Variants in NKAIN3 observed in about 807,000 individuals in gnomAD.
NKAIN3 encodes sodium/potassium-transporting ATPase subunit beta-1-interacting protein 3.
NKAIN3 carries 25 observed loss-of-function variants against 30.2 expected under a neutral mutation model. The ratio of observed to expected loss-of-function variants is 0.83; its 90% CI spans 0.60 to 1.16. The LOEUF is 1.16. NKAIN3 is among the 50% of genes most tolerant of loss of function. The pLI is 0.00. For synonymous variants in NKAIN3, 91 were observed against 89.6 expected (o/e 1.02, Z -0.09); for missense variants, 225 against 254.1 (o/e 0.89, Z 0.78).
At chr8:62,345,516 C>CAT (rs1554669331) in intron 1 of NKAIN3, among the ~76,000 whole-genome samples, 1 of 117,462 alleles carries the variant, frequency 8.5e-6, no homozygotes, top group Admixed American at 8.4e-5. Flanking sequence ...CATATATACA[C>CAT]ATATATGTAT....
At chr8:62,996,194 A>G (rs1478318907) in intron 5 of NKAIN3, among the ~76,000 whole-genome samples, 1 of 152,220 alleles carries the variant, frequency 6.6e-6, no homozygotes, top group Non-Finnish European at 1.5e-5. Flanking sequence ...ATAGTTCTGC[A>G]TGACTGGGGA....
At chr8:62,828,315 T>G (rs1819087962) in intron 4 of NKAIN3, among the ~76,000 whole-genome samples, 1 of 152,090 alleles carries the variant, frequency 6.6e-6, no homozygotes, top group Non-Finnish European at 1.5e-5. Context: ...AAAACTGTCT[T>G]GAGCCTAGTT....
intron 3 of NKAIN3, among the ~76,000 whole-genome samples, chr8:62,717,712 A>G (rs1044190760): frequency 2.0e-5 from 3 of 152,218 alleles, no homozygotes; most frequent in Admixed American, 6.5e-5. Context: ...AAACCTTATG[A>G]ATAGATTTTT....
intron 3 of NKAIN3, among the ~76,000 whole-genome samples, chr8:62,732,060 C>T (rs957709740): frequency 2.6e-5 from 4 of 151,744 alleles, no homozygotes; most frequent in East Asian, 3.9e-4. Flanking sequence ...TAGTACCAGA[C>T]GGATATGCAA....
At chr8:62,757,270 T>A (rs2130608217) in intron 4 of NKAIN3, among the ~76,000 whole-genome samples, 1 of 152,310 alleles carries the variant, frequency 6.6e-6, no homozygotes, top group East Asian at 1.9e-4. Flanking sequence ...AAAAAGTAGC[T>A]TTTCATAATA....
intron 5 of NKAIN3, among the ~76,000 whole-genome samples, chr8:62,925,244 G>C (rs537105906): frequency 6.6e-6 from 1 of 152,210 alleles, no homozygotes; most frequent in African/African-American, 2.4e-5. Flanking sequence ...TCAGTGTATG[G>C]AACATCATAG....
rs188087702 is a variant in NKAIN3, at chr8:62,451,506, G to A, written c.55-128033G>A. Among the ~76,000 whole-genome samples, 857 of 152,222 alleles carry A rather than the reference G, an allele frequency of 5.6e-3. 6 individuals are homozygous for A. Among genetic ancestry groups the A allele is most frequent in the African/African-American group, 0.018 (763 of 41,536 alleles). On this transcript the variant is annotated intron_variant, in intron 1 of 6. Coordinates refer to ENST00000623646, the MANE Select transcript of NKAIN3 (RefSeq NM_001304533.3). ...CATAAAGTACATAAATCAGGAGAAC[G>A]TATAAGCACCACGTGAGCAATCTCT... is the stretch of plus-strand genomic sequence containing the variant.
intron 4 of NKAIN3, among the ~76,000 whole-genome samples, chr8:62,783,082 A>G (rs1817403854): frequency 6.6e-6 from 1 of 150,466 alleles, no homozygotes; most frequent in Admixed American, 6.6e-5. Context: ...TTAATAAAAG[A>G]TAAAATAAAA....
At chr8:62,999,200 G>A (rs4739041) in intron 5 of NKAIN3, 29,590 of 152,150 alleles carry the variant, frequency 0.19, 2,989 homozygotes, top group East Asian at 0.41. Flanking sequence ...TGAAGAAAAG[G>A]TAGTCAGTTT....
chr8:62,500,531 G>A (rs1192407386), intron 1 of NKAIN3, among the ~76,000 whole-genome samples: 2 of 151,368 alleles, frequency 1.3e-5, no homozygotes, highest in Non-Finnish European at 2.9e-5. Flanking sequence ...GAGTGAGGGA[G>A]GGAGGGAGGG....
chr8:62,644,573 T>G (rs1812400791), intron 3 of NKAIN3, among the ~76,000 whole-genome samples: 1 of 152,088 alleles, frequency 6.6e-6, no homozygotes, highest in African/African-American at 2.4e-5. Flanking sequence ...TTTAGGAACT[T>G]TTTAAAGGTT....
intron 1 of NKAIN3, among the ~76,000 whole-genome samples, chr8:62,546,060 T>G (rs1809001047): frequency 6.6e-6 from 1 of 152,228 alleles, no homozygotes; most frequent in Admixed American, 6.6e-5. Context: ...AAACACGATC[T>G]TTTGCAAGTA....
chr8:62,506,485 T>C (rs1440676981), intron 1 of NKAIN3, among the ~76,000 whole-genome samples: 2 of 143,528 alleles, frequency 1.4e-5, no homozygotes, highest in African/African-American at 5.2e-5. Flanking sequence ...TCTTTTTTTT[T>C]TTTTTTTGAG....
At chr8:62,557,292 A>G (rs960159031) in intron 1 of NKAIN3, among the ~76,000 whole-genome samples, 37 of 152,148 alleles carry the variant, frequency 2.4e-4, no homozygotes, top group African/African-American at 8.7e-4. Context: ...CAGTTTCTTT[A>G]TTCACTTGTT....
At chr8:62,947,380 T>C (rs1276918418) in intron 5 of NKAIN3, among the ~76,000 whole-genome samples, 3 of 152,360 alleles carry the variant, frequency 2.0e-5, no homozygotes, top group Admixed American at 6.5e-5. Flanking sequence ...AATTGATATA[T>C]TTGAGCTCCT....
chr8:62,637,509 C>T (rs1437460943), intron 3 of NKAIN3, among the ~76,000 whole-genome samples: 1 of 152,162 alleles, frequency 6.6e-6, no homozygotes, highest in Non-Finnish European at 1.5e-5. Context: ...CAATAATGCT[C>T]CCAGGGAATG....
chr8:62,557,802 T>C (rs941968168), intron 1 of NKAIN3, among the ~76,000 whole-genome samples: 18 of 152,170 alleles, frequency 1.2e-4, no homozygotes, highest in Admixed American at 4.6e-4. Context: ...ACATTCTGGA[T>C]ATTAGTCCTT....
intron 5 of NKAIN3, among the ~76,000 whole-genome samples, chr8:62,949,196 C>T (rs369025938): frequency 8.5e-5 from 13 of 152,158 alleles, no homozygotes; most frequent in African/African-American, 3.1e-4. Context: ...CAGCACGAGA[C>T]GAAGGAGAGT....
chr8:62,968,701 G>A lies in NKAIN3; in HGVS notation c.*3294G>A, dbSNP rs779376813. Among the ~76,000 whole-genome samples the A allele has an allele frequency of 1.3e-5, 2 of 152,166 alleles. No homozygotes were observed. Among genetic ancestry groups the A allele is most frequent in the South Asian group, 2.1e-4 (1 of 4,830 alleles). Reference sequence around the variant, plus strand: ...CCTCTTGGAGCCACCTTAGCACTGAGTCTTGTAAACCTTGGCCAGCCCTTC... The same window carrying A: ...CCTCTTGGAGCCACCTTAGCACTGAATCTTGTAAACCTTGGCCAGCCCTTC... On this transcript the variant is annotated 3_prime_UTR_variant, in exon 7 of 7. Transcript: ENST00000623646.
Sources: gnomAD v4.1 joint callset for allele counts (sites outside exome capture counted in the v4.1 genomes callset) on GRCh38, gnomAD v4.1.1 for gene constraint, MANE v1.5 for transcripts, NCBI Gene and HGNC (gene_info 2026-07-23, HGNC 2026-07-21) for gene names.